Variants in ARHGAP42 observed in about 807,000 individuals in gnomAD.
ARHGAP42 encodes the protein rho GTPase-activating protein 42.
A neutral mutation model predicts 125.0 loss-of-function variants in ARHGAP42; 63 were observed. That is an observed-to-expected ratio of 0.50 (90% CI 0.41 to 0.62). The LOEUF (loss-of-function observed/expected upper bound fraction) is 0.62, where lower values mean the gene tolerates loss of function less well. ARHGAP42 is among the 20% of genes least tolerant of loss of function. ARHGAP42 has a pLI of 0.00. For missense variants in ARHGAP42, 766 were observed against 1,024.2 expected (o/e 0.75, Z 3.44); for synonymous variants, 339 against 351.0 (o/e 0.97, Z 0.38).
At chr11:100,824,539 A>G (rs1445476670) in intron 3 of ARHGAP42, among the ~76,000 whole-genome samples, 1 of 152,160 alleles carries the variant, frequency 6.6e-6, no homozygotes, top group Non-Finnish European at 1.5e-5. Context: ...GAAGCACATG[A>G]ATTCAATAAC....
At chr11:100,699,502 ATATATTTTTTTTTTTT>A (rs1389878642) in intron 1 of ARHGAP42, among the ~76,000 whole-genome samples, 16 of 40,932 alleles carry the variant, frequency 3.9e-4, no homozygotes, top group South Asian at 1.5e-3. Flanking sequence ...ATATATATAT[ATATATTTTTTTTTTTT>A]TTTTTTTTTT....
chr11:100,702,532 G>T (rs918965940), intron 1 of ARHGAP42, among the ~76,000 whole-genome samples: 16 of 150,928 alleles, frequency 1.1e-4, no homozygotes, highest in African/African-American at 3.7e-4. Context: ...CAATAGACTT[G>T]CCCGATGCAG....
intron 2 of ARHGAP42, among the ~76,000 whole-genome samples, chr11:100,794,075 C>CAAAAAAAAAAAAA (rs869272420): frequency 2.0e-4 from 9 of 44,844 alleles, no homozygotes; most frequent in East Asian, 1.4e-3. Context: ...GACCCTGTCT[C>CAAAAAAAAAAAAA]AAAAAAAAAA....
chr11:100,866,099 T>C (rs1230826336), intron 4 of ARHGAP42, among the ~76,000 whole-genome samples: 1 of 152,234 alleles, frequency 6.6e-6, no homozygotes. Flanking sequence ...AAATCCTTTG[T>C]TGTCATTTCA....
chr11:100,698,466 G>A (rs952108077), intron 1 of ARHGAP42, among the ~76,000 whole-genome samples: 13 of 152,074 alleles, frequency 8.5e-5, no homozygotes, highest in Non-Finnish European at 1.3e-4. Flanking sequence ...GCGAGACCCT[G>A]TCTTAAAAAA....
chr11:100,932,776 C>A (rs1387451406), intron 6 of ARHGAP42, among the ~76,000 whole-genome samples: 2 of 152,270 alleles, frequency 1.3e-5, no homozygotes, highest in African/African-American at 4.8e-5. Context: ...CTGGTTTGGT[C>A]TTCCTTACGT....
At chr11:100,855,736 C>T (rs1591241361) in intron 3 of ARHGAP42, among the ~76,000 whole-genome samples, 1 of 151,982 alleles carries the variant, frequency 6.6e-6, no homozygotes, top group Non-Finnish European at 1.5e-5. Context: ...ACTTAAATAA[C>T]CTACCCACAG....
chr11:100,764,412 C>T (rs953560568), intron 1 of ARHGAP42, among the ~76,000 whole-genome samples: 1 of 152,158 alleles, frequency 6.6e-6, no homozygotes, highest in African/African-American at 2.4e-5. Context: ...AAAACCTATT[C>T]CAGTTGGAGT....
intron 1 of ARHGAP42, among the ~76,000 whole-genome samples, chr11:100,727,638 G>A (rs1483866132): frequency 6.6e-6 from 1 of 152,150 alleles, no homozygotes; most frequent in Non-Finnish European, 1.5e-5. Context: ...GGGAGCTTCC[G>A]GGTTGCTGAG....
At chr11:100,726,988 A>G (rs928240801) in intron 1 of ARHGAP42, among the ~76,000 whole-genome samples, 25 of 152,230 alleles carry the variant, frequency 1.6e-4, no homozygotes, top group African/African-American at 5.8e-4. Flanking sequence ...TGTTTTTTAG[A>G]TTGAGGGGAA....
chr11:100,711,623 G>T (rs951757444), intron 1 of ARHGAP42, among the ~76,000 whole-genome samples: 13 of 152,226 alleles, frequency 8.5e-5, no homozygotes, highest in Admixed American at 5.2e-4. Context: ...CTCCCAAATT[G>T]TTGGGATTAC....
chr11:100,696,518 T>C (rs904510564), intron 1 of ARHGAP42, among the ~76,000 whole-genome samples: 2 of 151,902 alleles, frequency 1.3e-5, no homozygotes, highest in South Asian at 2.1e-4. Context: ...CACGCCCAGA[T>C]AATTTTTTGT....
intron 3 of ARHGAP42, among the ~76,000 whole-genome samples, chr11:100,811,531 G>A (rs1476237833): frequency 6.7e-6 from 1 of 148,818 alleles, no homozygotes; most frequent in African/African-American, 2.5e-5. Context: ...TGGAGATGGA[G>A]TCTTGCTCTG....
rs951026833 is a variant in ARHGAP42, at chr11:100,924,616, G to A, written c.597+3012G>A. Among the ~76,000 whole-genome samples the A allele has an allele frequency of 5.9e-5, 9 of 151,896 alleles. No individual in the cohort carries two copies. In the South Asian group the frequency reaches 6.2e-4, roughly 11 times the overall value. On this transcript the variant is annotated intron_variant, in intron 6 of 23. Coordinates refer to ENST00000298815, the MANE Select transcript of ARHGAP42 (RefSeq NM_152432.4). ...TGGGAGATGGAGGTTGCAGTGATCC[G>A]AAATCGCGCCGCTGGACTCCAGCCT...
chr11:100,760,375 T>C (rs958749711), intron 1 of ARHGAP42, among the ~76,000 whole-genome samples: 3 of 152,140 alleles, frequency 2.0e-5, no homozygotes, highest in Non-Finnish European at 2.9e-5. Flanking sequence ...TTCACTAGCC[T>C]AGAAGGTAAT....
intron 2 of ARHGAP42, among the ~76,000 whole-genome samples, chr11:100,774,209 G>C (rs1467186364): frequency 6.6e-6 from 1 of 152,196 alleles, no homozygotes; most frequent in Non-Finnish European, 1.5e-5. Flanking sequence ...ATTACACCAA[G>C]CTGTTCTACA....
At chr11:100,721,565 C>T (rs927255002) in intron 1 of ARHGAP42, among the ~76,000 whole-genome samples, 4 of 151,810 alleles carry the variant, frequency 2.6e-5, no homozygotes, top group African/African-American at 7.3e-5. Context: ...CTCTGCCTCC[C>T]GGGTTCAAGC....
chr11:100,959,824 C>T (rs1478928645), intron 12 of ARHGAP42, 59 bp from the exon 13 acceptor site: 1 of 1,480,394 alleles, frequency 6.8e-7, no homozygotes, highest in East Asian at 2.5e-5. Flanking sequence ...ACAGAGCCAA[C>T]TGAAGGGGGA....
intron 1 of ARHGAP42, among the ~76,000 whole-genome samples, chr11:100,728,157 G>T (rs532965463): frequency 2.0e-5 from 3 of 152,222 alleles, no homozygotes; most frequent in Non-Finnish European, 1.5e-5. Flanking sequence ...GGTGAATTTT[G>T]TTCCCTCCTA....
Sources: allele counts gnomAD v4.1 joint callset (sites outside exome capture counted in the v4.1 genomes callset), GRCh38; gene constraint gnomAD v4.1.1; transcripts MANE v1.5; gene names NCBI Gene and HGNC (gene_info 2026-07-23, HGNC 2026-07-21).